The following ZMIZ1 variants were observed in gnomAD, a reference collection of about 807,000 sequenced individuals.
ZMIZ1 encodes the protein zinc finger MIZ domain-containing protein 1.
ZMIZ1 carries 17 observed loss-of-function variants against 113.9 expected under a neutral mutation model. The ratio of observed to expected loss-of-function variants is 0.15; its 90% CI spans 0.10 to 0.22. ZMIZ1 has a LOEUF of 0.22. ZMIZ1 is among the 10% of genes least tolerant of loss of function. The pLI, the probability that ZMIZ1 is intolerant of heterozygous loss-of-function variation, is 1.00. For missense variants in ZMIZ1, 1,059 were observed against 1,477.8 expected, an observed-to-expected ratio of 0.72 and a Z score of 4.65; for synonymous variants, 607 against 603.1, an observed-to-expected ratio of 1.01 and a Z score of -0.09.
intron 23 of ZMIZ1, among the ~76,000 whole-genome samples, chr10:79,309,287 C>A (rs527443282): frequency 6.6e-6 from 1 of 152,198 alleles, no homozygotes; most frequent in Non-Finnish European, 1.5e-5. Context: ...CAGCCAGATA[C>A]GAAGCTGAGG....
At chr10:79,089,406 T>C (rs180680267) in intron 1 of ZMIZ1, among the ~76,000 whole-genome samples, 7 of 152,336 alleles carry the variant, frequency 4.6e-5, no homozygotes, top group Admixed American at 3.9e-4. Context: ...CGAGATGAAC[T>C]CAGCTCAGGG....
chr10:79,205,304 C>T (rs1848270854), intron 5 of ZMIZ1, among the ~76,000 whole-genome samples: 1 of 152,220 alleles, frequency 6.6e-6, no homozygotes, highest in Non-Finnish European at 1.5e-5. Context: ...CCTGCCCTGC[C>T]CTGGCCCCTC....
rs146078881 is a variant in ZMIZ1 at position 79,074,591 on chromosome 10, G to A, written c.-337+5321G>A. The stretch of plus-strand genomic sequence containing the variant: ...GAGGCAGAGGTGTTTCCAGCCCCCC[G>A]GGTCCCCATGAAGCCCAGTGCTCTT... On this transcript the variant is annotated intron_variant, in intron 1 of 24. Coordinates refer to ENST00000334512, the MANE Select transcript of ZMIZ1 (RefSeq NM_020338.4). 2.4e-3 allele frequency among the ~76,000 whole-genome samples: 367 copies of A among 152,306 alleles called. 4 individuals carry two copies. The highest frequency in any genetic ancestry group is 8.0e-3 in the African/African-American group (334 of 41,566).
chr10:79,277,431 A>T lies in ZMIZ1; in HGVS notation c.425+106A>T. 6 of 1,371,356 alleles carry T rather than the reference A, an allele frequency of 4.4e-6. No homozygotes were observed. In the South Asian group the frequency reaches 8.2e-5, roughly 19 times the overall value. The allele number at this position is 1,371,356 out of a possible 1,614,324, so 84.9% of individuals were successfully genotyped here. ...TGGGGGCCTCTGTGCAACCATGAGG[A>T]TGTTGCATTTTCTAAGGTGCAGTTG... On this transcript the variant is annotated intron_variant, in intron 8 of 24. Coordinates refer to ENST00000334512, the MANE Select transcript of ZMIZ1 (RefSeq NM_020338.4).
intron 4 of ZMIZ1, among the ~76,000 whole-genome samples, chr10:79,201,257 G>A (rs777919044): frequency 2.0e-5 from 3 of 152,154 alleles, no homozygotes; most frequent in African/African-American, 4.8e-5. Flanking sequence ...GCAATGAGCC[G>A]AGATCGCGCC....
chr10:79,167,069 A>G lies in ZMIZ1; in HGVS notation c.-50+4936A>G, dbSNP rs539815297. The stretch of plus-strand genomic sequence containing the variant: ...ACTCTGTGCTCTGGCCTGAGTTTCT[A>G]TGGGCTGCCTCATGGCTCCATCCTC... On this transcript the variant is annotated intron_variant, in intron 4 of 24. Coordinates refer to ENST00000334512, the MANE Select transcript of ZMIZ1 (RefSeq NM_020338.4). Among the ~76,000 whole-genome samples the G allele has an allele frequency of 1.3e-4, 19 of 151,764 alleles. No homozygotes were observed. In the South Asian group the frequency reaches 2.5e-3, roughly 20 times the overall value.
intron 14 of ZMIZ1, 108 bp from the exon 15 acceptor site, chr10:79,298,298 A>T: frequency 7.9e-7 from 1 of 1,268,688 alleles, no homozygotes; most frequent in Non-Finnish European, 1.1e-6. Flanking sequence ...TCTCCTCCCG[A>T]GGGGCATGGC....
At chr10:79,281,515 G>A (rs1311348470) in intron 8 of ZMIZ1, among the ~76,000 whole-genome samples, 1 of 152,224 alleles carries the variant, frequency 6.6e-6, no homozygotes, top group Non-Finnish European at 1.5e-5. Context: ...CCAGTGCCCT[G>A]CTGCCTCCAT....
chr10:79,296,458 T>C lies in ZMIZ1; in HGVS notation c.1231-13T>C. 3 of 1,613,456 alleles carry C rather than the reference T, an allele frequency of 1.9e-6. No homozygotes were observed. The highest frequency in any genetic ancestry group is 2.5e-6 in the Non-Finnish European group (3 of 1,179,762). On this transcript the variant is annotated splice_polypyrimidine_tract_variant and intron_variant, in intron 12 of 24. Coordinates refer to ENST00000334512, the MANE Select transcript of ZMIZ1 (RefSeq NM_020338.4). The surrounding 1 kb of genome is among the most constrained non-coding windows in gnomAD (Gnocchi z 4.1). ...TTGAACGTGTTTCCCCTCTCCTTTC[T>C]CTCCCACCACAGCCCAACTATGGAA...
At chr10:79,251,451 GTCC>G (rs939943894) in intron 7 of ZMIZ1, among the ~76,000 whole-genome samples, 3 of 152,084 alleles carry the variant, frequency 2.0e-5, no homozygotes, top group Non-Finnish European at 4.4e-5. Flanking sequence ...TGGGTCACTT[GTCC>G]TCCTGCTCCC....
chr10:79,105,354 C>T (rs1843517701), intron 1 of ZMIZ1, among the ~76,000 whole-genome samples: 1 of 152,248 alleles, frequency 6.6e-6, no homozygotes, highest in Non-Finnish European at 1.5e-5. Flanking sequence ...TGGCCACTGA[C>T]TGCTGTGTGA....
At chr10:79,252,466 C>T (rs1850613509) in intron 7 of ZMIZ1, among the ~76,000 whole-genome samples, 1 of 152,094 alleles carries the variant, frequency 6.6e-6, no homozygotes, top group African/African-American at 2.4e-5. Context: ...CATGGTACCC[C>T]CTGGGCTCTT....
chr10:79,139,557 G>A, intron 2 of ZMIZ1, 125 bp from the exon 3 acceptor site: 1 of 396,972 alleles, frequency 2.5e-6, no homozygotes, highest in Non-Finnish European at 4.4e-6. Context: ...AGGCATCCCG[G>A]GGTGTGCTTA....
intron 1 of ZMIZ1, among the ~76,000 whole-genome samples, chr10:79,083,051 T>C (rs145493248): frequency 9.8e-5 from 15 of 152,352 alleles, no homozygotes; most frequent in African/African-American, 3.1e-4. Flanking sequence ...TGGGGATACA[T>C]TGGTGAATTT....
intron 4 of ZMIZ1, among the ~76,000 whole-genome samples, chr10:79,197,595 TACACACACACACACATACACACACACAC>T (rs1481671555): frequency 7.3e-6 from 1 of 136,758 alleles, no homozygotes; most frequent in Non-Finnish European, 1.5e-5. Flanking sequence ...ACCCAGACCA[TACACACACACACACATACACACACACAC>T]ACACACACAC....
intron 1 of ZMIZ1, among the ~76,000 whole-genome samples, chr10:79,070,148 G>T (rs1259847118): frequency 7.6e-5 from 10 of 131,528 alleles, no homozygotes; most frequent in African/African-American, 1.3e-4. Context: ...GCCGGGGTCG[G>T]GGGGGGGAGG....
chr10:79,082,817 T>G (rs1249894249), intron 1 of ZMIZ1, among the ~76,000 whole-genome samples: 1 of 152,184 alleles, frequency 6.6e-6, no homozygotes, highest in African/African-American at 2.4e-5. Context: ...GGGGAGCCCA[T>G]GCACTGAATG....
intron 3 of ZMIZ1, among the ~76,000 whole-genome samples, chr10:79,151,965 A>T (rs965616819): frequency 6.6e-6 from 1 of 151,984 alleles, no homozygotes; most frequent in Admixed American, 6.5e-5. Flanking sequence ...GCCCGCCGCC[A>T]TCTGGGCCCC....
chr10:79,289,347 C>T (rs1008620743), intron 8 of ZMIZ1, among the ~76,000 whole-genome samples: 14 of 152,152 alleles, frequency 9.2e-5, no homozygotes. Flanking sequence ...CGGACCCTTC[C>T]AGCCTGTACT....
Sources: gnomAD v4.1 joint callset for allele counts (sites outside exome capture counted in the v4.1 genomes callset) on GRCh38, gnomAD v4.1.1 for gene constraint, Gnocchi (gnomAD v3.1) non-coding constraint, MANE v1.5 for transcripts, NCBI Gene and HGNC (gene_info 2026-07-23, HGNC 2026-07-21) for gene names.